SPATA4: variants seen among roughly 807,000 people sequenced by gnomAD.
SPATA4 encodes spermatogenesis-associated protein 4.
In SPATA4, 35 loss-of-function variants were observed where a neutral mutation model predicts 31.8. That is an observed-to-expected ratio of 1.10 (90% confidence interval 0.84 to 1.46). The LOEUF is 1.46. Ranked by LOEUF, SPATA4 falls within the 40% of genes most tolerant of loss-of-function variation. SPATA4 has a pLI of 0.00. For missense variants in SPATA4, 394 were observed against 363.1 expected, an observed-to-expected ratio of 1.09 and a Z score of -0.69; for synonymous variants, 126 against 132.4, an observed-to-expected ratio of 0.95 and a Z score of 0.33.
chr4:176,195,301 C>G (rs1228201866), intron 1 of SPATA4, 44 bp downstream of exon 1: 1 of 1,600,022 alleles, frequency 6.2e-7, no homozygotes, highest in Admixed American at 1.7e-5. Context: ...GGAAAGCAGG[C>G]GGGGCGCCCA....
intron 5 of SPATA4, among the ~76,000 whole-genome samples, chr4:176,186,754 CACTT>C (rs1443959662): frequency 6.6e-6 from 1 of 152,114 alleles, no homozygotes; most frequent in East Asian, 1.9e-4. Context: ...GTTTGGAAAA[CACTT>C]CATTCTGCTT....
intron 5 of SPATA4, among the ~76,000 whole-genome samples, chr4:176,185,746 C>T (rs906930272): frequency 7.9e-5 from 12 of 152,088 alleles, no homozygotes; most frequent in African/African-American, 2.9e-4. Context: ...AAGCTGAATC[C>T]ACATCATTCA....
At chr4:176,192,009 T>A (rs1363034615) in intron 4 of SPATA4, among the ~76,000 whole-genome samples, 2 of 152,196 alleles carry the variant, frequency 1.3e-5, no homozygotes, top group African/African-American at 2.4e-5. Flanking sequence ...AAAATTTCAA[T>A]ACATGAGTGG....
rs181532451 is a variant in SPATA4, at chr4:176,187,474, G to A, written c.805+645C>T. Among the ~76,000 whole-genome samples the A allele has an allele frequency of 3.4e-4, 51 of 152,078 alleles. 3 individuals are homozygous for A. In the East Asian group the frequency reaches 8.1e-3, roughly 24 times the overall value. The stretch of plus-strand genomic sequence containing the variant: ...CAAAAAATTAGCCAGGCGTGGCACC[G>A]TGCGTTGTAGTCCCAGCTACTCAGG... On this transcript the variant is annotated intron_variant, in intron 5 of 5. Coordinates refer to ENST00000280191, the MANE Select transcript of SPATA4 (RefSeq NM_144644.4).
chr4:176,192,388 A>G (rs1340594900), intron 4 of SPATA4, among the ~76,000 whole-genome samples: 1 of 152,240 alleles, frequency 6.6e-6, no homozygotes, highest in Non-Finnish European at 1.5e-5. Flanking sequence ...ATACACATAT[A>G]CGTTTCTAAA....
In SPATA4 at chr4:176,188,247, G is replaced by A; in HGVS notation, c.689-12C>T. The A allele has an allele frequency of 6.5e-7, 1 of 1,528,886 alleles. No homozygotes were observed. Among genetic ancestry groups the A allele is most frequent in the Non-Finnish European group, 8.9e-7 (1 of 1,124,942 alleles). The allele number at this position is 1,528,886 out of a possible 1,614,324, so 94.7% of individuals were successfully genotyped here. A position where few individuals can be genotyped will look rare whatever the true frequency, so the allele number is the denominator to read the frequency against. On this transcript the variant is annotated splice_polypyrimidine_tract_variant and intron_variant, in intron 4 of 5. Transcript: ENST00000280191. Reference sequence around the variant, plus strand: ...CACATCAAACCATTCTATAAAATATGAACACAAAAGTTATTTCTTAAAAAG... The same window carrying A: ...CACATCAAACCATTCTATAAAATATAAACACAAAAGTTATTTCTTAAAAAG...
intron 5 of SPATA4, among the ~76,000 whole-genome samples, chr4:176,185,311 G>A (rs1425456798): frequency 1.3e-5 from 2 of 152,052 alleles, no homozygotes; most frequent in Non-Finnish European, 2.9e-5. Context: ...AGACTCTGTA[G>A]GTCACTCAGT....
At position 176,195,344 on chromosome 4, in the gene SPATA4, C is replaced by T; in HGVS notation, c.218+1G>A. 6.2e-7 allele frequency: 1 copy of T among 1,614,036 alleles called. No homozygotes were observed. The highest frequency in any genetic ancestry group is 2.2e-5 in the East Asian group (1 of 44,856). On this transcript the variant is annotated splice_donor_variant, in intron 1 of 5. Coordinates refer to ENST00000280191, the MANE Select transcript of SPATA4 (RefSeq NM_144644.4). LOFTEE classifies it high-confidence loss of function. ...GGCCTAGGACTGGCTTACTCAAGCA[C>T]CTGTTGATGTTCCTGGGGAAGAAGC...
chr4:176,193,877 T>G (rs6821182), intron 1 of SPATA4: 139,850 of 209,594 alleles, frequency 0.67, 46,837 homozygotes, highest in East Asian at 0.87. Context: ...TGGTTGTAAG[T>G]AATACTGAAG....
At position 176,193,714 on chromosome 4, in the gene SPATA4, C is replaced by T. The variant is rs1240596209; in HGVS notation, c.219-132G>A. The stretch of plus-strand genomic sequence containing the variant: ...AAGTGAGTGTTGTTGGATCGTTGCT[C>T]TAAGGAGAACCTACTGTGGAATTTT... On this transcript the variant is annotated intron_variant, in intron 1 of 5. Coordinates refer to ENST00000280191, the MANE Select transcript of SPATA4 (RefSeq NM_144644.4). The T allele has an allele frequency of 4.2e-6, 4 of 954,744 alleles. No individual in the cohort carries two copies. The East Asian group carries it at 8.7e-5, about 21-fold the overall frequency. The allele number at this position is 954,744 out of a possible 1,614,324, so 59.1% of individuals were successfully genotyped here.
rs1269572381 is a variant in SPATA4 at position 176,184,828 on chromosome 4, A to T, written c.870T>A (p.Ser290=). ...TGATAGGTTTCATAGCAGAGTAATA[A>T]GAATGTTGTCCAGCTTGCTTCACAT... ...EIHVKQAGQH[S]YYSAMKPIRN... is the part of the protein sequence containing the mutation. Residue 290 remains serine, a synonymous_variant, in exon 6 of 6, where the codon TCT becomes TCA. Coordinates refer to ENST00000280191, the MANE Select transcript of SPATA4 (RefSeq NM_144644.4). 3 of 1,604,502 alleles carry T rather than the reference A, an allele frequency of 1.9e-6. No individual in the cohort carries two copies. In the African/African-American group the frequency reaches 4.0e-5, roughly 22 times the overall value.
At chr4:176,187,819 A>C (rs1236686965) in intron 5 of SPATA4, among the ~76,000 whole-genome samples, 1 of 152,198 alleles carries the variant, frequency 6.6e-6, no homozygotes, top group Non-Finnish European at 1.5e-5. Flanking sequence ...TCATCCTCTG[A>C]CTACTGAAGA....
At chr4:176,195,320 G>T (rs761338010) in intron 1 of SPATA4, 25 bp downstream of exon 1, 31 of 1,611,948 alleles carry the variant, frequency 1.9e-5, no homozygotes, top group African/African-American at 2.7e-5. Flanking sequence ...CACCGGGGGG[G>T]CCTAGGACTG....
At chr4:176,189,371 A>T in intron 4 of SPATA4, among the ~76,000 whole-genome samples, 1 of 152,290 alleles carries the variant, frequency 6.6e-6, no homozygotes, top group Non-Finnish European at 1.5e-5. Flanking sequence ...TAAAATGTTC[A>T]AAATTAGTGG....
intron 4 of SPATA4, among the ~76,000 whole-genome samples, chr4:176,190,356 C>G (rs1752509289): frequency 6.6e-6 from 1 of 152,160 alleles, no homozygotes; most frequent in Admixed American, 6.5e-5. Flanking sequence ...TATTTATAAT[C>G]TCATTATGGG....
At chr4:176,187,519 G>A (rs890581675) in intron 5 of SPATA4, among the ~76,000 whole-genome samples, 7 of 151,938 alleles carry the variant, frequency 4.6e-5, no homozygotes, top group African/African-American at 1.5e-4. Flanking sequence ...CAGGAGAATC[G>A]CTTGAACCCA....
chr4:176,193,328 A>C (rs1752562636), intron 2 of SPATA4, 125 bp downstream of exon 2: 1 of 1,213,522 alleles, frequency 8.2e-7, no homozygotes, highest in Non-Finnish European at 1.1e-6. Flanking sequence ...TGTAATACAC[A>C]GGAACAAGCT....
intron 1 of SPATA4, 159 bp from the exon 2 acceptor site, chr4:176,193,741 C>T (rs1752570111): frequency 1.6e-6 from 1 of 637,962 alleles, no homozygotes; most frequent in Non-Finnish European, 2.4e-6. Flanking sequence ...TGGAATTTTG[C>T]TAAGATTATC....
At chr4:176,187,869 C>T (rs1451991146) in intron 5 of SPATA4, among the ~76,000 whole-genome samples, 1 of 152,156 alleles carries the variant, frequency 6.6e-6, no homozygotes, top group Non-Finnish European at 1.5e-5. Context: ...GTGTTTCCAA[C>T]TCACCTATTT....
Sources: gnomAD v4.1 joint callset for allele counts (sites outside exome capture counted in the v4.1 genomes callset) on GRCh38, gnomAD v4.1.1 for gene constraint, MANE v1.5 for transcripts, NCBI Gene and HGNC (gene_info 2026-07-23, HGNC 2026-07-21) for gene names.